The following ZC3H7B variants were observed in gnomAD, a reference collection of about 807,000 sequenced individuals.
ZC3H7B encodes zinc finger CCCH-type containing 7B, also known as zinc finger CCCH domain-containing protein 7B.
A neutral mutation model predicts 116.0 loss-of-function variants in ZC3H7B; 35 were observed. The ratio of observed to expected loss-of-function variants is 0.30; its 90% CI spans 0.23 to 0.40. The LOEUF is 0.40. ZC3H7B is among the 10% of genes least tolerant of loss of function. The pLI is 1.00. For synonymous variants in ZC3H7B, 502 were observed against 545.6 expected (o/e 0.92, Z 1.11); for missense variants, 1,011 against 1,321.5 (o/e 0.77, Z 3.64).
In ZC3H7B at chr22:41,359,939, G is replaced by A. The variant is rs1049499616; in HGVS notation, c.*2510G>A. The A allele has an allele frequency of 1.6e-4, 24 of 152,522 alleles. No individual in the cohort carries two copies. Among genetic ancestry groups the A allele is most frequent in the African/African-American group, 5.6e-4 (23 of 41,396 alleles). 9.4% of individuals were successfully genotyped at this position (152,522 alleles called of 1,614,324 possible). The stretch of plus-strand genomic sequence containing the variant: ...GTGGGGAGGGATGCTGCATTTCTCA[G>A]CTGGGCAGTAATCAATTTAATGGTC... On this transcript the variant is annotated 3_prime_UTR_variant, in exon 23 of 23. Transcript: ENST00000352645.
intron 13 of ZC3H7B, 116 bp downstream of exon 13, chr22:41,343,692 C>T (rs137977619): frequency 4.6e-4 from 622 of 1,365,706 alleles, no homozygotes; most frequent in South Asian, 6.7e-4. Flanking sequence ...CACAGCTGCA[C>T]GGGAGGAGAA....
chr22:41,329,713 C>T (rs1388444518), intron 5 of ZC3H7B, among the ~76,000 whole-genome samples: 2 of 152,132 alleles, frequency 1.3e-5, no homozygotes, highest in African/African-American at 4.8e-5. Context: ...AACATTCTTC[C>T]CTTCTACAGT....
intron 11 of ZC3H7B, among the ~76,000 whole-genome samples, chr22:41,342,184 G>C (rs1008148399): frequency 6.6e-6 from 1 of 152,172 alleles, no homozygotes; most frequent in South Asian, 2.1e-4. Flanking sequence ...TGGGGGATTG[G>C]GGGAGGGCAT....
chr22:41,322,575 C>T (rs562598056), intron 2 of ZC3H7B, among the ~76,000 whole-genome samples: 1 of 152,234 alleles, frequency 6.6e-6, no homozygotes, highest in African/African-American at 2.4e-5. Context: ...AATAGATCCT[C>T]AGAGGCATAA....
intron 16 of ZC3H7B, among the ~76,000 whole-genome samples, chr22:41,350,932 C>T (rs546581999): frequency 5.9e-5 from 9 of 152,098 alleles, no homozygotes; most frequent in Admixed American, 1.3e-4. Flanking sequence ...GTGGGAAAGA[C>T]GTGAGAAAGA....
At chr22:41,324,706 G>A (rs1211690024) in intron 2 of ZC3H7B, among the ~76,000 whole-genome samples, 2 of 152,198 alleles carry the variant, frequency 1.3e-5, no homozygotes, top group African/African-American at 4.8e-5. Flanking sequence ...GACAGGCTCA[G>A]TGAAGACCTG....
At chr22:41,332,250 C>G in intron 7 of ZC3H7B, 23 bp downstream of exon 7, 2 of 1,613,832 alleles carry the variant, frequency 1.2e-6, no homozygotes, top group South Asian at 2.2e-5. Context: ...CTGAACCAAC[C>G]TGTCTCAGTT....
chr22:41,325,676 TGG>T (rs763464413), intron 3 of ZC3H7B, 43 bp from the exon 4 acceptor site: 12 of 1,608,366 alleles, frequency 7.5e-6, no homozygotes, highest in Non-Finnish European at 8.5e-7. Flanking sequence ...GTGCCAGAGC[TGG>T]GGCCAGAGGT....
chr22:41,346,196 C>T lies in ZC3H7B; in HGVS notation c.1653C>T (p.Thr551=). ...KLLKEHQGIF[T]FLCEICFDSK... ...TGAAGGAGCACCAGGGCATCTTCAC[C>T]TTCCTCTGCGAGGTACTGCCCACCC... The change falls in exon 14 of 23, where the codon ACC becomes ACT. Residue 551 remains threonine (T), a synonymous_variant. Transcript: ENST00000352645. This position sits in a 1 kb window ranked among gnomAD's most constrained non-coding sequence, Gnocchi z 5.3. The T allele has an allele frequency of 1.2e-6, 2 of 1,610,706 alleles. No individual in the cohort carries two copies. The highest frequency in any genetic ancestry group is 1.7e-6 in the Non-Finnish European group (2 of 1,179,862).
chr22:41,354,949 ACC>A (rs2036694960), intron 17 of ZC3H7B, among the ~76,000 whole-genome samples: 1 of 151,650 alleles, frequency 6.6e-6, no homozygotes, highest in African/African-American at 2.4e-5. Flanking sequence ...CATCTCCTGG[ACC>A]CCCCGCTCTA....
chr22:41,323,081 C>A (rs113988808), intron 2 of ZC3H7B, among the ~76,000 whole-genome samples: 1 of 152,180 alleles, frequency 6.6e-6, no homozygotes, highest in Non-Finnish European at 1.5e-5. Flanking sequence ...TTTTCCTGGC[C>A]GCTTCTGGAG....
In ZC3H7B at chr22:41,339,934, T is replaced by C. The variant is rs1179253732; in HGVS notation, c.935T>C (p.Val312Ala). ...CCTGTGGTGGGTGGCTCCATCCCTG[T>C]CTCCAGCCCACTGCCCCCCGCCTCC... ...LPPVVGGSIP[V>A]SSPLPPASFG... The change falls in exon 10 of 23, where the codon GTC (valine) becomes GCC (alanine). Residue 312 changes from valine (V) to alanine (A), a missense_variant. Val to Ala is a moderately conservative substitution (Grantham distance 64). This residue lies in a region of ZC3H7B where 322 missense variants were observed against 443.9 expected (regional missense o/e 0.73). Transcript: ENST00000352645. The C allele has an allele frequency of 6.2e-6, 10 of 1,613,278 alleles. No individual in the cohort carries two copies. The highest frequency in any genetic ancestry group is 5.0e-5 in the Admixed American group (3 of 59,992).
Position 41,349,511 on chromosome 22 carries a change from G to A in ZC3H7B, c.1948+210G>A, listed in dbSNP as rs1273503399. ...AGGAGAGAAGCTCTGCTCTCAGGGC[G>A]CTTCCAGGCTCGGAGATCTGGGTTT... On this transcript the variant is annotated intron_variant, in intron 16 of 22. Coordinates refer to ENST00000352645, the MANE Select transcript of ZC3H7B (RefSeq NM_017590.6). The surrounding 1 kb of genome is among the most constrained non-coding windows in gnomAD (Gnocchi z 4.9). 2.6e-5 allele frequency among the ~76,000 whole-genome samples: 4 copies of A among 152,128 alleles called. No homozygotes were observed. The highest frequency in any genetic ancestry group is 5.9e-5 in the Non-Finnish European group (4 of 68,004).
chr22:41,315,737 G>T (rs1040428063), intron 1 of ZC3H7B, among the ~76,000 whole-genome samples: 9 of 152,148 alleles, frequency 5.9e-5, no homozygotes, highest in Non-Finnish European at 1.2e-4. Context: ...CAGAGGAAGA[G>T]CAAGCTTGCT....
At chr22:41,339,285 G>C in intron 9 of ZC3H7B, 94 bp downstream of exon 9, 1 of 1,440,646 alleles carries the variant, frequency 6.9e-7, no homozygotes, top group Non-Finnish European at 9.3e-7. Context: ...CAATGCTCAT[G>C]TCATGTGTCT....
At chr22:41,342,430 G>T (rs1449450714) in intron 11 of ZC3H7B, 99 bp from the exon 12 acceptor site, 1 of 1,105,586 alleles carries the variant, frequency 9.0e-7, no homozygotes, top group East Asian at 2.4e-5. Context: ...GGTAGGATAG[G>T]GGGGTCATAG....
intron 1 of ZC3H7B, among the ~76,000 whole-genome samples, chr22:41,306,956 C>T (rs1403780941): frequency 6.7e-6 from 1 of 149,286 alleles, no homozygotes; most frequent in Non-Finnish European, 1.5e-5. Flanking sequence ...GGAGCCTCCA[C>T]AGAGGTCAGC....
In ZC3H7B at chr22:41,320,684, G is replaced by C. The variant is rs753083253; in HGVS notation, c.24G>C (p.Ala8=). Residue 8 remains alanine (A), a synonymous_variant, in exon 2 of 23, where the codon GCG becomes GCC. Coordinates refer to ENST00000352645, the MANE Select transcript of ZC3H7B (RefSeq NM_017590.6). ...TGATGGAGAGGCAGAAACGGAAGGC[G>C]GACATCGAGAAAGGGCTGCAGTTCA... MERQKRK[A]DIEKGLQFIQ... The C allele has an allele frequency of 6.2e-7, 1 of 1,614,032 alleles. No individual in the cohort carries two copies. The highest frequency in any genetic ancestry group is 2.2e-5 in the East Asian group (1 of 44,882).
intron 2 of ZC3H7B, among the ~76,000 whole-genome samples, chr22:41,324,539 G>C (rs946046436): frequency 6.6e-6 from 1 of 152,228 alleles, no homozygotes; most frequent in African/African-American, 2.4e-5. Context: ...ACAAAGCCCA[G>C]CTTCCCTTCC....
Sources: allele counts gnomAD v4.1 joint callset (sites outside exome capture counted in the v4.1 genomes callset), GRCh38; gene constraint gnomAD v4.1.1; regional missense constraint gnomAD v4.1.1; non-coding constraint Gnocchi (gnomAD v3.1); transcripts MANE v1.5; gene names NCBI Gene and HGNC (gene_info 2026-07-23, HGNC 2026-07-21).